Variants in PCDH15 observed in about 807,000 individuals in gnomAD.
PCDH15 encodes the protein protocadherin related 15.
A neutral mutation model predicts 178.5 loss-of-function variants in PCDH15; 129 were observed. That is an observed-to-expected ratio of 0.72 (90% CI 0.63 to 0.84). PCDH15 has a LOEUF of 0.84. Ranked by LOEUF, PCDH15 falls within the 40% of genes least tolerant of loss-of-function variation. The probability of loss-of-function intolerance (pLI) is 0.00; values close to 1 mark genes in which losing one functional copy is unlikely to be tolerated. For missense variants in PCDH15, 2,230 were observed against 2,099.9 expected (o/e 1.06, Z -1.21); for synonymous variants, 800 against 732.0 (o/e 1.09, Z -1.50).
chr10:55,128,206 T>C lies in PCDH15; in HGVS notation c.-80+38370A>G, dbSNP rs117568534. Among the ~76,000 whole-genome samples the C allele has an allele frequency of 8.5e-5, 13 of 152,144 alleles. No individual in the cohort carries two copies. In the East Asian group the frequency reaches 2.5e-3, roughly 29 times the overall value. ...CCTCTCAACCCTCACTCCCACCTTATATACTCAGACTTCCTTACTACCATC... is the reference window on the plus strand; with the variant it reads ...CCTCTCAACCCTCACTCCCACCTTACATACTCAGACTTCCTTACTACCATC... On this transcript the variant is annotated intron_variant, in intron 2 of 5. Coordinates refer to the PCDH15 transcript ENST00000458638.
chr10:54,547,769 T>G (rs1406833908), intron 2 of PCDH15, among the ~76,000 whole-genome samples: 1 of 152,100 alleles, frequency 6.6e-6, no homozygotes, highest in African/African-American at 2.4e-5. Flanking sequence ...GTGCACAATT[T>G]GAGGAATATT....
chr10:55,500,876 CTT>C (rs1273007924), intron 2 of PCDH15, among the ~76,000 whole-genome samples: 1 of 151,756 alleles, frequency 6.6e-6, no homozygotes, highest in East Asian at 1.9e-4. Flanking sequence ...TTAGTTGACT[CTT>C]TATATGACAC....
intron 8 of PCDH15, among the ~76,000 whole-genome samples, chr10:54,274,844 T>C (rs2058262259): frequency 6.6e-6 from 1 of 152,134 alleles, no homozygotes; most frequent in South Asian, 2.1e-4. Context: ...AAATAAAGAA[T>C]AAATTGAACC....
chr10:54,208,869 T>C (rs2051101885), intron 10 of PCDH15, among the ~76,000 whole-genome samples: 1 of 152,042 alleles, frequency 6.6e-6, no homozygotes, highest in Non-Finnish European at 1.5e-5. Flanking sequence ...AGCTTGGCAA[T>C]AGCAGCCCTG....
chr10:55,454,602 C>T lies in PCDH15; in HGVS notation c.-156+173023G>A, dbSNP rs554931171. ...ATCATCCTGGCTAACACAGTGAAAC[C>T]CCGTCTCTACTAAAAATGCAAAAAA... is the stretch of plus-strand genomic sequence containing the variant. On this transcript the variant is annotated intron_variant, in intron 2 of 5. Coordinates refer to the PCDH15 transcript ENST00000613346. 5.1e-5 allele frequency among the ~76,000 whole-genome samples: 7 copies of T among 138,156 alleles called. No individual in the cohort carries two copies. In the South Asian group the frequency reaches 7.1e-4, roughly 14 times the overall value. 90.6% of individuals were successfully genotyped at this position (138,156 alleles called of 152,430 possible).
intron 2 of PCDH15, among the ~76,000 whole-genome samples, chr10:54,925,025 T>C (rs1182948474): frequency 1.3e-5 from 2 of 152,192 alleles, no homozygotes; most frequent in African/African-American, 4.8e-5. Context: ...TTCCCATTTA[T>C]ATGTCCTGCA....
chr10:54,527,274 T>G (rs2132655412), intron 3 of PCDH15, among the ~76,000 whole-genome samples: 1 of 152,312 alleles, frequency 6.6e-6, no homozygotes, highest in East Asian at 1.9e-4. Flanking sequence ...TAATTGTTAA[T>G]TACTTCAGAA....
intron 25 of PCDH15, chr10:53,907,105 A>G (rs1194194767): frequency 2.6e-5 from 4 of 152,330 alleles, no homozygotes; most frequent in African/African-American, 9.6e-5. Flanking sequence ...ATGTGTATAC[A>G]ATGTACATGA....
At chr10:54,072,097 A>C (rs2135872677) in intron 17 of PCDH15, among the ~76,000 whole-genome samples, 1 of 152,270 alleles carries the variant, frequency 6.6e-6, no homozygotes, top group Middle Eastern at 3.4e-3. Context: ...CATCTGTGAG[A>C]AAACACAAGA....
At chr10:55,084,823 A>G (rs1443829573) in intron 2 of PCDH15, among the ~76,000 whole-genome samples, 1 of 152,088 alleles carries the variant, frequency 6.6e-6, no homozygotes, top group African/African-American at 2.4e-5. Context: ...CTTATGAAAA[A>G]GTGCTCAACA....
At chr10:55,169,104 C>T (rs187447767) in intron 1 of PCDH15, among the ~76,000 whole-genome samples, 26 of 151,850 alleles carry the variant, frequency 1.7e-4, no homozygotes, top group African/African-American at 3.4e-4. Context: ...TACCTAATAC[C>T]GAAAATAAAC....
chr10:54,144,474 T>C (rs1295543299), intron 14 of PCDH15, among the ~76,000 whole-genome samples: 1 of 152,204 alleles, frequency 6.6e-6, no homozygotes, highest in Non-Finnish European at 1.5e-5. Flanking sequence ...AATGAGATGC[T>C]AGACCCCTCA....
At chr10:54,290,593 A>T (rs2059336966) in intron 8 of PCDH15, among the ~76,000 whole-genome samples, 2 of 152,208 alleles carry the variant, frequency 1.3e-5, no homozygotes, top group African/African-American at 4.8e-5. Context: ...TAAAAGATAC[A>T]GACTGGCAAA....
chr10:55,245,318 A>C (rs1337311978), intron 1 of PCDH15, among the ~76,000 whole-genome samples: 1 of 152,170 alleles, frequency 6.6e-6, no homozygotes, highest in Non-Finnish European at 1.5e-5. Context: ...TGTAAATGTG[A>C]AAGTGGTAGA....
In PCDH15 at chr10:55,441,986, G is replaced by A. The variant is rs80013827; in HGVS notation, c.-156+185639C>T. On this transcript the variant is annotated intron_variant, in intron 2 of 5. Transcript: ENST00000613346. ...CAAGGAATGCTGACAGCCCCCAGCAGGTGGAAGAGGCAAGGAATGGATTAT... is the reference window on the plus strand; with the variant it reads ...CAAGGAATGCTGACAGCCCCCAGCAAGTGGAAGAGGCAAGGAATGGATTAT... Among the ~76,000 whole-genome samples the A allele has an allele frequency of 3.8e-3, 571 of 152,210 alleles. 8 individuals are homozygous for A. The highest frequency in any genetic ancestry group is 0.013 in the African/African-American group (544 of 41,540).
intron 1 of PCDH15, among the ~76,000 whole-genome samples, chr10:54,682,340 C>A (rs2094915915): frequency 6.6e-6 from 1 of 152,088 alleles, no homozygotes; most frequent in Non-Finnish European, 1.5e-5. Flanking sequence ...ACTTCTCTTT[C>A]TCTTCTGTTG....
intron 2 of PCDH15, among the ~76,000 whole-genome samples, chr10:55,110,836 C>G (rs1030256182): frequency 3.9e-5 from 6 of 152,076 alleles, no homozygotes; most frequent in Admixed American, 3.9e-4. Context: ...AAAAAACAAA[C>G]AAAATATTGT....
At chr10:55,141,362 TGCTGCAAAAAGCAAAAA>T (rs1838349983) in intron 2 of PCDH15, among the ~76,000 whole-genome samples, 1 of 151,984 alleles carries the variant, frequency 6.6e-6, no homozygotes, top group African/African-American at 2.4e-5. Context: ...AGAGTCAAAT[TGCTGCAAAAAGCAAAAA>T]GCTGCAAAAA....
At chr10:55,253,881 G>A (rs562561747) in intron 1 of PCDH15, among the ~76,000 whole-genome samples, 5 of 152,242 alleles carry the variant, frequency 3.3e-5, no homozygotes, top group South Asian at 2.1e-4. Context: ...GTAGTCAACC[G>A]TGAAAACATT....
Sources: gnomAD v4.1 joint callset for allele counts (sites outside exome capture counted in the v4.1 genomes callset) on GRCh38, gnomAD v4.1.1 for gene constraint, MANE v1.5 for transcripts, NCBI Gene and HGNC (gene_info 2026-07-23, HGNC 2026-07-21) for gene names.